SHC3: variants seen among roughly 807,000 people sequenced by gnomAD.
SHC3 encodes SHC-transforming protein 3.
SHC3 carries 15 observed loss-of-function variants against 60.4 expected under a neutral mutation model. That is an observed-to-expected ratio of 0.25 (90% confidence interval 0.17 to 0.38). SHC3 has a LOEUF of 0.38. SHC3 is among the 10% of genes least tolerant of loss of function. SHC3 has a pLI of 1.00. For missense variants in SHC3, 677 were observed against 786.1 expected (o/e 0.86, Z 1.66); for synonymous variants, 294 against 325.9 (o/e 0.90, Z 1.05).
rs1392882963 is a variant in SHC3 at position 89,008,824 on chromosome 9, C to A, written c.*4623G>T. The stretch of plus-strand genomic sequence containing the variant: ...GATTCAGCTCCAGTTGTGCACATGA[C>A]GGTAACTTACTTGATAATGCACGCC... On this transcript the variant is annotated 3_prime_UTR_variant, in exon 12 of 12. Coordinates refer to ENST00000375835, the MANE Select transcript of SHC3 (RefSeq NM_016848.6). 2 of 152,226 alleles carry A rather than the reference C, an allele frequency of 1.3e-5. No individual in the cohort carries two copies. The highest frequency in any genetic ancestry group is 2.9e-5 in the Non-Finnish European group (2 of 68,072). 9.4% of individuals were successfully genotyped at this position (152,226 alleles called of 1,614,324 possible). A position where few individuals can be genotyped will look rare whatever the true frequency, so the allele number is the denominator to read the frequency against.
intron 10 of SHC3, among the ~76,000 whole-genome samples, chr9:89,039,722 A>G (rs1824643177): frequency 1.3e-5 from 2 of 151,892 alleles, no homozygotes; most frequent in African/African-American, 4.8e-5. Flanking sequence ...CACTGTCACT[A>G]CCAGCAACAG....
At chr9:89,168,326 G>A (rs1281306888) in intron 1 of SHC3, among the ~76,000 whole-genome samples, 11 of 152,058 alleles carry the variant, frequency 7.2e-5, no homozygotes, top group African/African-American at 2.4e-4. Flanking sequence ...TTAGCTGAGC[G>A]TGGTGATGCA....
intron 2 of SHC3, among the ~76,000 whole-genome samples, chr9:89,084,586 A>C (rs1825497919): frequency 6.6e-6 from 1 of 152,236 alleles, no homozygotes; most frequent in Admixed American, 6.5e-5. Flanking sequence ...AGGCATCTTC[A>C]CTGGACAGAT....
chr9:89,033,344 GT>G (rs1222605683), intron 11 of SHC3, among the ~76,000 whole-genome samples: 1 of 151,658 alleles, frequency 6.6e-6, no homozygotes, highest in Admixed American at 6.6e-5. Flanking sequence ...TTAGCTTTTT[GT>G]TTTTTTAAAT....
At chr9:89,177,960 C>G (rs933426241) in intron 1 of SHC3, 27 bp downstream of exon 1, 5 of 1,209,096 alleles carry the variant, frequency 4.1e-6, no homozygotes, top group Non-Finnish European at 5.1e-6. Flanking sequence ...ACCCCCAGCC[C>G]CCAGGGCGGC....
At chr9:89,170,119 CAA>C (rs976077262) in intron 1 of SHC3, among the ~76,000 whole-genome samples, 2 of 152,168 alleles carry the variant, frequency 1.3e-5, no homozygotes, top group African/African-American at 4.8e-5. Flanking sequence ...AACCAAGACT[CAA>C]GAGGGAGAGG....
chr9:89,101,507 T>C (rs1231092697), intron 2 of SHC3, among the ~76,000 whole-genome samples: 3 of 152,206 alleles, frequency 2.0e-5, no homozygotes, highest in South Asian at 2.1e-4. Flanking sequence ...TGTTATCAGA[T>C]TGAGGAACTT....
chr9:89,029,363 A>C (rs1225926921), intron 11 of SHC3, among the ~76,000 whole-genome samples: 2 of 152,066 alleles, frequency 1.3e-5, no homozygotes, highest in Non-Finnish European at 2.9e-5. Context: ...ACAAAGACAA[A>C]AGAAAAAAAT....
chr9:89,049,490 G>A (rs1824828126), intron 7 of SHC3, among the ~76,000 whole-genome samples: 1 of 152,124 alleles, frequency 6.6e-6, no homozygotes, highest in African/African-American at 2.4e-5. Context: ...ATTTTTGTGT[G>A]TATTATCTTA....
At chr9:89,051,695 G>A (rs980980265) in intron 7 of SHC3, among the ~76,000 whole-genome samples, 7 of 152,216 alleles carry the variant, frequency 4.6e-5, no homozygotes, top group Non-Finnish European at 7.3e-5. Context: ...ACACAGAACC[G>A]GTGGTAACAT....
chr9:89,175,005 G>T (rs1245762899), intron 1 of SHC3, among the ~76,000 whole-genome samples: 4 of 152,250 alleles, frequency 2.6e-5, no homozygotes, highest in Non-Finnish European at 4.4e-5. Context: ...TTTAGGATAA[G>T]ATAATTTAAA....
chr9:89,165,522 A>C (rs1480808824), intron 1 of SHC3, among the ~76,000 whole-genome samples: 4 of 84,010 alleles, frequency 4.8e-5, no homozygotes, highest in African/African-American at 1.7e-4. Context: ...TGCAATCATC[A>C]AGGCAAAAAA....
At chr9:89,174,687 T>C (rs961638695) in intron 1 of SHC3, among the ~76,000 whole-genome samples, 8 of 152,238 alleles carry the variant, frequency 5.3e-5, no homozygotes, top group African/African-American at 1.7e-4. Flanking sequence ...GCCCGTCTTT[T>C]GGGGACCACG....
chr9:89,158,881 T>A (rs1237571261), intron 1 of SHC3, among the ~76,000 whole-genome samples: 1 of 152,220 alleles, frequency 6.6e-6, no homozygotes, highest in Admixed American at 6.5e-5. Flanking sequence ...AGTGTGACAT[T>A]TGCTTTGTTG....
intron 1 of SHC3, among the ~76,000 whole-genome samples, chr9:89,117,472 A>G (rs1386943599): frequency 6.6e-6 from 1 of 152,206 alleles, no homozygotes; most frequent in African/African-American, 2.4e-5. Context: ...CTTTCTGCCC[A>G]GTTTTCAATT....
At position 89,007,173 on chromosome 9, in the gene SHC3, G is replaced by A. The variant is rs937758730; in HGVS notation, c.*6274C>T. On this transcript the variant is annotated 3_prime_UTR_variant, in exon 12 of 12. Transcript: ENST00000375835. ...CAGGAGGAGGAAAGAAGGGAGGCTGGGATCACCTCCCGCCCCTTCTAGCAT... is the reference window on the plus strand; with the variant it reads ...CAGGAGGAGGAAAGAAGGGAGGCTGAGATCACCTCCCGCCCCTTCTAGCAT... The A allele has an allele frequency of 6.6e-6, 1 of 152,172 alleles. No homozygotes were observed. The highest frequency in any genetic ancestry group is 2.4e-5 in the African/African-American group (1 of 41,438). 9.4% of individuals were successfully genotyped at this position (152,172 alleles called of 1,614,324 possible).
intron 1 of SHC3, among the ~76,000 whole-genome samples, chr9:89,173,350 T>C (rs139400765): frequency 5.8e-4 from 89 of 152,398 alleles, no homozygotes; most frequent in Middle Eastern, 6.8e-3. Context: ...TTCACGTGTT[T>C]GCTGCCCAGG....
At chr9:89,161,003 C>T (rs905074003) in intron 1 of SHC3, among the ~76,000 whole-genome samples, 1 of 152,158 alleles carries the variant, frequency 6.6e-6, no homozygotes, top group Non-Finnish European at 1.5e-5. Flanking sequence ...AGGCACATCC[C>T]CCAGTGCCCT....
At chr9:89,057,315 C>CTTTTT (rs10606274) in intron 6 of SHC3, among the ~76,000 whole-genome samples, 39 of 133,698 alleles carry the variant, frequency 2.9e-4, no homozygotes, top group East Asian at 6.9e-4. Context: ...TTTCCTTTTT[C>CTTTTT]TTTTTTTTTT....
Sources: gnomAD v4.1 joint callset for allele counts (sites outside exome capture counted in the v4.1 genomes callset) on GRCh38, gnomAD v4.1.1 for gene constraint, MANE v1.5 for transcripts, NCBI Gene and HGNC (gene_info 2026-07-23, HGNC 2026-07-21) for gene names.